CPNE8: variants seen among roughly 807,000 people sequenced by gnomAD.
CPNE8 encodes copine-8.
CPNE8 carries 45 observed loss-of-function variants against 81.5 expected under a neutral mutation model. The ratio of observed to expected loss-of-function variants is 0.55; its 90% CI spans 0.44 to 0.71. CPNE8 has a LOEUF of 0.71. Ranked by LOEUF, CPNE8 falls within the 30% of genes least tolerant of loss-of-function variation. The pLI, the probability that CPNE8 is intolerant of heterozygous loss-of-function variation, is 0.00. For missense variants in CPNE8, 594 were observed against 672.1 expected, an observed-to-expected ratio of 0.88 and a Z score of 1.28; for synonymous variants, 252 against 226.3, an observed-to-expected ratio of 1.11 and a Z score of -1.02.
intron 13 of CPNE8, among the ~76,000 whole-genome samples, chr12:38,719,601 A>AG (rs55988435): frequency 7.7e-6 from 1 of 130,142 alleles, no homozygotes; most frequent in African/African-American, 2.9e-5. Context: ...AAAAAAAAAA[A>AG]GAAAGAAAGA....
At chr12:38,725,267 A>C in intron 11 of CPNE8, among the ~76,000 whole-genome samples, 1 of 152,206 alleles carries the variant, frequency 6.6e-6, no homozygotes, top group East Asian at 1.9e-4. Context: ...TTTAAAAATT[A>C]AATACACTAA....
chr12:38,821,086 G>GA (rs988301676), intron 6 of CPNE8, among the ~76,000 whole-genome samples: 2 of 151,890 alleles, frequency 1.3e-5, no homozygotes, highest in African/African-American at 4.8e-5. Context: ...GATCCTCTTT[G>GA]AAAAAAATCG....
intron 6 of CPNE8, among the ~76,000 whole-genome samples, chr12:38,815,842 T>C (rs1421143308): frequency 6.6e-6 from 1 of 152,198 alleles, no homozygotes; most frequent in African/African-American, 2.4e-5. Context: ...CAATAAATTA[T>C]GTAATACATA....
At chr12:38,776,117 G>C in intron 7 of CPNE8, 121 bp downstream of exon 7, 1 of 410,450 alleles carries the variant, frequency 2.4e-6, no homozygotes, top group East Asian at 4.1e-5. Context: ...ATATTTTATG[G>C]GTTATAAAAT....
intron 6 of CPNE8, among the ~76,000 whole-genome samples, chr12:38,806,831 C>T (rs1942818387): frequency 2.0e-5 from 3 of 149,842 alleles, no homozygotes; most frequent in Admixed American, 2.0e-4. Flanking sequence ...TTGCAGATGA[C>T]ATGCTGGTAT....
Position 38,904,470 on chromosome 12 carries a change from G to GTT in CPNE8, c.98+965_98+966dup, listed in dbSNP as rs11343890. Among the ~76,000 whole-genome samples the GTT allele has an allele frequency of 2.0e-3, 245 of 120,286 alleles. 2 individuals carry two copies. The highest frequency in any genetic ancestry group is 6.3e-3 in the African/African-American group (195 of 30,820). The allele number at this position is 120,286 out of a possible 152,430, so 78.9% of individuals were successfully genotyped here. A position where few individuals can be genotyped will look rare whatever the true frequency, so the allele number is the denominator to read the frequency against. ...CAGGGTTGAAAGTCAGTTTTTTTTT[G>GTT]TTTTTTTTTTTTTTTTGAGATGGAG... On this transcript the variant is annotated intron_variant, in intron 1 of 19. Coordinates refer to ENST00000331366, the MANE Select transcript of CPNE8 (RefSeq NM_153634.3).
At chr12:38,777,091 A>T (rs1353121301) in intron 6 of CPNE8, among the ~76,000 whole-genome samples, 1 of 152,028 alleles carries the variant, frequency 6.6e-6, no homozygotes, top group Non-Finnish European at 1.5e-5. Flanking sequence ...ATGTTCCAAA[A>T]GAAGGCACTG....
intron 10 of CPNE8, among the ~76,000 whole-genome samples, chr12:38,742,181 C>T (rs369981278): frequency 1.6e-4 from 25 of 152,094 alleles, no homozygotes; most frequent in African/African-American, 5.3e-4. Context: ...TGGGTATATA[C>T]CCAAAGGATT....
At chr12:38,712,109 A>G (rs1399570251) in intron 13 of CPNE8, among the ~76,000 whole-genome samples, 1 of 152,070 alleles carries the variant, frequency 6.6e-6, no homozygotes, top group Non-Finnish European at 1.5e-5. Flanking sequence ...CGAATAAGAA[A>G]TGGGATTAAG....
chr12:38,841,841 G>A (rs1303204715), intron 4 of CPNE8, among the ~76,000 whole-genome samples: 1 of 152,068 alleles, frequency 6.6e-6, no homozygotes, highest in African/African-American at 2.4e-5. Flanking sequence ...CAGAAGTCCT[G>A]TGACTTCCTT....
At chr12:38,683,870 T>C (rs868280749) in intron 16 of CPNE8, among the ~76,000 whole-genome samples, 2 of 152,132 alleles carry the variant, frequency 1.3e-5, no homozygotes, top group African/African-American at 2.4e-5. Context: ...TACAAAATGA[T>C]AGATAAAACA....
intron 18 of CPNE8, among the ~76,000 whole-genome samples, chr12:38,672,329 A>G (rs886983411): frequency 1.3e-5 from 2 of 152,192 alleles, no homozygotes; most frequent in African/African-American, 4.8e-5. Context: ...GTCCTATAAA[A>G]TATCTCCCAC....
intron 6 of CPNE8, among the ~76,000 whole-genome samples, chr12:38,781,909 T>G (rs1942061567): frequency 6.6e-6 from 1 of 152,050 alleles, no homozygotes; most frequent in Non-Finnish European, 1.5e-5. Flanking sequence ...ACTATCAAGG[T>G]CATACAAAAC....
chr12:38,764,009 TA>T lies in CPNE8; in HGVS notation c.576-1794del, dbSNP rs569696003. Among the ~76,000 whole-genome samples the T allele has an allele frequency of 4.9e-3, 746 of 152,242 alleles. 4 individuals carry two copies. The highest frequency in any genetic ancestry group is 0.017 in the African/African-American group (695 of 41,540). ...AGGATCAAGTTTTTATTACAAGACT[TA>T]ACGGCATCCGTGCCTTCTCCTTCCA... On this transcript the variant is annotated intron_variant, in intron 8 of 19. Transcript: ENST00000331366.
intron 6 of CPNE8, among the ~76,000 whole-genome samples, chr12:38,820,177 TGGGGGGA>T (rs1943090928): frequency 6.6e-6 from 1 of 151,838 alleles, no homozygotes; most frequent in African/African-American, 2.4e-5. Flanking sequence ...GAGGCGAAGA[TGGGGGGA>T]TCACAAGATC....
intron 11 of CPNE8, chr12:38,726,274 A>T (rs906726645): frequency 6.6e-6 from 1 of 152,058 alleles, no homozygotes; most frequent in Non-Finnish European, 1.5e-5. Flanking sequence ...CACCAAAAAA[A>T]AAAACAAAAC....
chr12:38,891,516 C>T (rs1043800759), intron 1 of CPNE8, among the ~76,000 whole-genome samples: 1 of 151,154 alleles, frequency 6.6e-6, no homozygotes, highest in Non-Finnish European at 1.5e-5. Flanking sequence ...GGCACGATCT[C>T]GGCTCACCAC....
At chr12:38,840,148 G>T (rs769734383) in intron 4 of CPNE8, among the ~76,000 whole-genome samples, 193 bp from the exon 5 acceptor site, 2 of 151,960 alleles carry the variant, frequency 1.3e-5, no homozygotes, top group Non-Finnish European at 2.9e-5. Context: ...ATGATCCTTG[G>T]GTTCTTTCAT....
intron 6 of CPNE8, among the ~76,000 whole-genome samples, chr12:38,818,850 CTG>C (rs1943068197): frequency 6.6e-6 from 1 of 152,132 alleles, no homozygotes; most frequent in African/African-American, 2.4e-5. Context: ...TGGTATCTCA[CTG>C]TGGTTTTGAT....
Sources: gnomAD v4.1 joint callset for allele counts (sites outside exome capture counted in the v4.1 genomes callset) on GRCh38, gnomAD v4.1.1 for gene constraint, MANE v1.5 for transcripts, NCBI Gene and HGNC (gene_info 2026-07-23, HGNC 2026-07-21) for gene names.